Variants in FAR1 observed in about 807,000 individuals in gnomAD.
The protein encoded by FAR1 is male sterility domain-containing protein 2.
A neutral mutation model predicts 61.1 loss-of-function variants in FAR1; 22 were observed. The ratio of observed to expected loss-of-function variants is 0.36; its 90% CI spans 0.26 to 0.51. FAR1 has a LOEUF of 0.51. FAR1 is among the 20% of genes least tolerant of loss of function. The pLI, the probability that FAR1 is intolerant of heterozygous loss-of-function variation, is 0.95. For synonymous variants in FAR1, 206 were observed against 209.7 expected, an observed-to-expected ratio of 0.98 and a Z score of 0.15; for missense variants, 359 against 626.9, an observed-to-expected ratio of 0.57 and a Z score of 4.56.
At chr11:13,728,513 T>C in intron 11 of FAR1, 99 bp from the exon 12 acceptor site, 1 of 1,083,708 alleles carries the variant, frequency 9.2e-7, no homozygotes, top group Admixed American at 2.0e-5. Context: ...TTAATATGGA[T>C]TTGAGCTTTG....
At chr11:13,693,069 A>C (rs898766418) in intron 1 of FAR1, among the ~76,000 whole-genome samples, 2 of 152,102 alleles carry the variant, frequency 1.3e-5, no homozygotes, top group Non-Finnish European at 2.9e-5. Flanking sequence ...TATGATTGAG[A>C]ACTCTGCGTG....
intron 3 of FAR1, among the ~76,000 whole-genome samples, chr11:13,703,002 A>C (rs1024069149): frequency 1.3e-5 from 2 of 152,218 alleles, no homozygotes; most frequent in Non-Finnish European, 2.9e-5. Context: ...CCTTTGTCAA[A>C]GCATCTATGT....
chr11:13,714,404 G>A, intron 8 of FAR1, 105 bp from the exon 9 acceptor site: 1 of 1,156,706 alleles, frequency 8.6e-7, no homozygotes, highest in Non-Finnish European at 1.2e-6. Flanking sequence ...TACGAACTCT[G>A]ACATCTTTGG....
At chr11:13,683,330 T>G (rs1430497203) in intron 1 of FAR1, among the ~76,000 whole-genome samples, 1 of 150,590 alleles carries the variant, frequency 6.6e-6, no homozygotes, top group Non-Finnish European at 1.5e-5. Context: ...GAGGTGGAGG[T>G]TGCAGTGAGC....
chr11:13,724,947 A>G (rs1388747270), intron 10 of FAR1, among the ~76,000 whole-genome samples: 1 of 152,184 alleles, frequency 6.6e-6, no homozygotes, highest in Non-Finnish European at 1.5e-5. Flanking sequence ...AGTTCTTTGT[A>G]GGGTTGCGAG....
At chr11:13,700,190 A>G (rs1848354191) in intron 2 of FAR1, 127 bp from the exon 3 acceptor site, 4 of 657,932 alleles carry the variant, frequency 6.1e-6, no homozygotes, top group South Asian at 2.2e-5. Context: ...AAGAATAGCA[A>G]CTTTAGGAAT....
At position 13,700,330 on chromosome 11, in the gene FAR1, TGA is replaced by T. The variant is rs1848356765; in HGVS notation, c.208_209del (p.Asp70Ter). The stretch of plus-strand genomic sequence containing the variant: ...CCCTCTTGATAGCTTTTTGACAGAT[TGA>T]GAGATGAAAATCCAGATTTTAGAGA... On this transcript the variant is annotated frameshift_variant, in exon 3 of 12. Transcript: ENST00000354817. LOFTEE classifies it high-confidence loss of function. The T allele has an allele frequency of 6.3e-7, 1 of 1,588,604 alleles. No homozygotes were observed. Among genetic ancestry groups the T allele is most frequent in the Non-Finnish European group, 8.5e-7 (1 of 1,171,838 alleles).
rs1205336314 is a variant in FAR1 at position 13,730,715 on chromosome 11, G to A, written c.*1941G>A. 1 of 152,072 alleles carries A rather than the reference G, an allele frequency of 6.6e-6. No homozygotes were observed. Among genetic ancestry groups the A allele is most frequent in the Non-Finnish European group, 1.5e-5 (1 of 67,970 alleles). 9.4% of individuals were successfully genotyped at this position (152,072 alleles called of 1,614,324 possible). On this transcript the variant is annotated 3_prime_UTR_variant, in exon 12 of 12. Coordinates refer to ENST00000354817, the MANE Select transcript of FAR1 (RefSeq NM_032228.6). Reference sequence around the variant, plus strand: ...GACAACTTGGGCAGGCCTATGAAGTGCATAGGGAGTGTATGTCTTCTGAAT... The same window carrying A: ...GACAACTTGGGCAGGCCTATGAAGTACATAGGGAGTGTATGTCTTCTGAAT...
At chr11:13,728,562 A>G (rs201190235) in intron 11 of FAR1, 50 bp from the exon 12 acceptor site, 1 of 1,529,548 alleles carries the variant, frequency 6.5e-7, no homozygotes, top group East Asian at 2.3e-5. Context: ...ATCTAACAAT[A>G]TTTTTTTCTA....
intron 1 of FAR1, among the ~76,000 whole-genome samples, chr11:13,690,147 G>T (rs899718509): frequency 1.3e-5 from 2 of 152,112 alleles, no homozygotes; most frequent in Non-Finnish European, 2.9e-5. Flanking sequence ...AAAGTGCTGG[G>T]ATTACAGGTG....
rs1042480635 is a variant in FAR1, at chr11:13,681,726, T to C, written c.-8+12920T>C. On this transcript the variant is annotated intron_variant, in intron 1 of 11. Coordinates refer to ENST00000354817, the MANE Select transcript of FAR1 (RefSeq NM_032228.6). ...CTAGAACTGCTCAGCCAGAATTGCT[T>C]AGCTGAGCCCTTTACAAATTCCTAA... Among the ~76,000 whole-genome samples the C allele has an allele frequency of 5.9e-5, 9 of 152,216 alleles. No individual in the cohort carries two copies. In the East Asian group the frequency reaches 1.7e-3, roughly 29 times the overall value.
intron 1 of FAR1, among the ~76,000 whole-genome samples, chr11:13,674,491 T>C (rs1358243771): frequency 2.0e-5 from 3 of 152,182 alleles, no homozygotes; most frequent in Non-Finnish European, 4.4e-5. Context: ...AAGCCCGTCT[T>C]CCTTGAATAG....
intron 3 of FAR1, among the ~76,000 whole-genome samples, chr11:13,704,293 A>G (rs1300495893): frequency 6.6e-6 from 1 of 152,098 alleles, no homozygotes; most frequent in East Asian, 1.9e-4. Context: ...GTTTGCGGAA[A>G]ATTCATAGTA....
intron 1 of FAR1, among the ~76,000 whole-genome samples, chr11:13,678,197 A>G (rs967091722): frequency 2.6e-5 from 4 of 152,162 alleles, no homozygotes; most frequent in African/African-American, 9.7e-5. Context: ...TAAAGTCTTC[A>G]TTTTTGCAAC....
chr11:13,726,851 T>G (rs1308402314), intron 10 of FAR1, among the ~76,000 whole-genome samples: 1 of 151,970 alleles, frequency 6.6e-6, no homozygotes, highest in Admixed American at 6.6e-5. Flanking sequence ...TTTTACTGAA[T>G]TTTTTATAGT....
chr11:13,727,583 C>T lies in FAR1; in HGVS notation c.1285C>T (p.His429Tyr). Residue 429 changes from histidine (H) to tyrosine (Y), a missense_variant, in exon 11 of 12, where the codon CAT becomes TAT. His to Tyr is a moderately conservative substitution (Grantham distance 83). Coordinates refer to ENST00000354817, the MANE Select transcript of FAR1 (RefSeq NM_032228.6). ...KTFNIDVRQLHWAEYIENYCL... is the reference protein window; with the variant it reads ...KTFNIDVRQLYWAEYIENYCL... ...CTTCAATATTGATGTACGGCAGTTA[C>T]ATTGGGCAGAATATATAGAGAACTA... 4 of 1,608,248 alleles carry T rather than the reference C, an allele frequency of 2.5e-6. No individual in the cohort carries two copies. Among genetic ancestry groups the T allele is most frequent in the Non-Finnish European group, 1.7e-6 (2 of 1,176,712 alleles).
intron 1 of FAR1, among the ~76,000 whole-genome samples, chr11:13,688,251 TCCCC>T (rs1848211543): frequency 1.3e-5 from 2 of 151,188 alleles, no homozygotes; most frequent in Non-Finnish European, 1.5e-5. Flanking sequence ...TGTTTTTTTT[TCCCC>T]TAGGAGGAAA....
chr11:13,702,492 T>G (rs949025919), intron 3 of FAR1, among the ~76,000 whole-genome samples: 2 of 152,196 alleles, frequency 1.3e-5, no homozygotes, highest in African/African-American at 2.4e-5. Flanking sequence ...GTGTATATTT[T>G]TGTATATAGG....
chr11:13,705,347 A>G (rs748435438), intron 3 of FAR1, among the ~76,000 whole-genome samples: 6 of 152,074 alleles, frequency 3.9e-5, no homozygotes, highest in Non-Finnish European at 8.8e-5. Context: ...GCAGAGAGAT[A>G]CTAGATGTTA....
Sources: allele counts gnomAD v4.1 joint callset (sites outside exome capture counted in the v4.1 genomes callset), GRCh38; gene constraint gnomAD v4.1.1; transcripts MANE v1.5; gene names NCBI Gene and HGNC (gene_info 2026-07-23, HGNC 2026-07-21).